Variants in TAF6L observed in about 807,000 individuals in gnomAD.
TAF6L encodes the protein TAF6-like RNA polymerase II p300/CBP-associated factor-associated factor 65 kDa subunit 6L.
Under a neutral mutation model 57.3 loss-of-function variants are expected in TAF6L, and 34 were observed. The ratio of observed to expected loss-of-function variants is 0.59; its 90% CI spans 0.45 to 0.79. The LOEUF (loss-of-function observed/expected upper bound fraction) is 0.79. TAF6L is among the 30% of genes least tolerant of loss of function. TAF6L has a pLI of 0.00. For missense variants in TAF6L, 782 were observed against 853.2 expected, an observed-to-expected ratio of 0.92 and a Z score of 1.04; for synonymous variants, 417 against 376.3, an observed-to-expected ratio of 1.11 and a Z score of -1.25.
At chr11:62,780,414 C>T (rs542387603) in intron 6 of TAF6L, among the ~76,000 whole-genome samples, 4 of 150,584 alleles carry the variant, frequency 2.7e-5, no homozygotes, top group East Asian at 2.0e-4. Context: ...AGGAGGCTGA[C>T]GCAGGAGAAT....
chr11:62,786,758 T>G lies in TAF6L; in HGVS notation c.1331T>G (p.Leu444Arg). The change falls in exon 11 of 11, where the codon CTC becomes CGC. Residue 444 changes from leucine (L) to arginine (R), a missense_variant. Transcript: ENST00000294168. The stretch of plus-strand genomic sequence containing the variant: ...ACCCTGGCCGACATCTACCGGGAGC[T>G]CTACGCCTTCTTCGGTGACAGCTTG... Reference protein sequence around the residue: ...SVTLADIYRELYAFFGDSLAT... With the variant: ...SVTLADIYRERYAFFGDSLAT... 2 of 1,612,882 alleles carry G rather than the reference T, an allele frequency of 1.2e-6. No homozygotes were observed. The highest frequency in any genetic ancestry group is 1.7e-6 in the Non-Finnish European group (2 of 1,179,842).
chr11:62,781,690 A>G (rs943666383), intron 6 of TAF6L: 3 of 480,770 alleles, frequency 6.2e-6, no homozygotes, highest in East Asian at 4.1e-5. Flanking sequence ...TTGGACATTC[A>G]GGTTGTATTC....
At position 62,786,270 on chromosome 11, in the gene TAF6L, G is replaced by A. The variant is rs1200353642; in HGVS notation, c.971G>A (p.Arg324Gln). The A allele has an allele frequency of 1.9e-6, 3 of 1,611,920 alleles. No individual in the cohort carries two copies. Among genetic ancestry groups the A allele is most frequent in the Non-Finnish European group, 1.7e-6 (2 of 1,178,186 alleles). Residue 324 changes from arginine (R) to glutamine (Q), a missense_variant, in exon 10 of 11, where the codon CGA (arginine) becomes CAA (glutamine). Around this residue, in one of 3 missense-constraint regions of TAF6L, gnomAD observed 483 missense variants for 445.1 expected, o/e 1.09. Transcript: ENST00000294168. ...LHALGWKAVE[R>Q]VLYPHLSTYW... ...TTCTCTTCCTTCCAGGCAGTAGAAC[G>A]AGTCCTGTACCCACACCTGTCCACC...
intron 9 of TAF6L, among the ~76,000 whole-genome samples, chr11:62,784,760 A>T (rs2084257994): frequency 6.6e-6 from 1 of 152,206 alleles, no homozygotes; most frequent in South Asian, 2.1e-4. Flanking sequence ...ATGATACACT[A>T]AACTATGTCA....
At chr11:62,784,180 G>C (rs2084252711) in intron 9 of TAF6L, among the ~76,000 whole-genome samples, 1 of 149,224 alleles carries the variant, frequency 6.7e-6, no homozygotes, top group Non-Finnish European at 1.5e-5. Context: ...AGTAGAGACG[G>C]GGTTTCACAA....
intron 1 of TAF6L, chr11:62,771,705 C>T (rs977208159): frequency 4.6e-4 from 87 of 190,334 alleles, no homozygotes; most frequent in African/African-American, 2.0e-3. Flanking sequence ...GCCCGGCCCG[C>T]GGAGGTCAGT....
At chr11:62,780,941 A>C (rs577665579) in intron 6 of TAF6L, among the ~76,000 whole-genome samples, 141 of 148,822 alleles carry the variant, frequency 9.5e-4, no homozygotes, top group African/African-American at 3.1e-3. Context: ...CATCTCAAAA[A>C]AAAAAAAAAA....
In TAF6L at chr11:62,787,193, G is replaced by C. The variant is rs573279999; in HGVS notation, c.1766G>C (p.Ser589Thr). ...QTAFPAPYGP[S>T]PASRYVQKLP... is the part of the protein sequence containing the mutation. ...GCCTTCCCCGCGCCGTACGGGCCTA[G>C]CCCGGCCTCGCGCTACGTGCAGAAA... Residue 589 changes from serine (S) to threonine (T), a missense_variant, in exon 11 of 11, where the codon AGC (serine) becomes ACC (threonine). Around this residue, in one of 3 missense-constraint regions of TAF6L, gnomAD observed 483 missense variants for 445.1 expected, o/e 1.09. Transcript: ENST00000294168. 1.3e-6 allele frequency: 2 copies of C among 1,588,588 alleles called. No homozygotes were observed. The highest frequency in any genetic ancestry group is 1.1e-5 in the South Asian group (1 of 90,054).
intron 9 of TAF6L, among the ~76,000 whole-genome samples, chr11:62,783,487 A>G (rs2084246045): frequency 6.6e-6 from 1 of 151,944 alleles, no homozygotes; most frequent in Admixed American, 6.6e-5. Context: ...GTCTCAAAAA[A>G]AAAAAAAAGT....
At chr11:62,779,621 C>T (rs948513429) in intron 6 of TAF6L, among the ~76,000 whole-genome samples, 6 of 146,770 alleles carry the variant, frequency 4.1e-5, no homozygotes, top group East Asian at 4.1e-4. Flanking sequence ...CCACTGTGCC[C>T]GGCCTAATTC....
At chr11:62,782,560 CT>C (rs1254799725) in intron 8 of TAF6L, 132 bp from the exon 9 acceptor site, 9 of 1,356,908 alleles carry the variant, frequency 6.6e-6, no homozygotes, top group Non-Finnish European at 6.1e-6. Flanking sequence ...CCAGTCACCC[CT>C]GGCAGCCTTC....
intron 6 of TAF6L, among the ~76,000 whole-genome samples, chr11:62,779,976 A>ATATATATATATATATTTTTTTTTT (rs1294367864): frequency 6.5e-4 from 34 of 52,614 alleles, no homozygotes; most frequent in Non-Finnish European, 9.8e-4. Context: ...ATATATATAT[A>ATATATATATATATATTTTTTTTTT]TTTTTTTTTT....
At position 62,787,107 on chromosome 11, in the gene TAF6L, TC is replaced by T; in HGVS notation, c.1681del (p.Arg561ValfsTer4). 6.5e-7 allele frequency: 1 copy of T among 1,548,884 alleles called. No individual in the cohort carries two copies. ...RFAPRGAPHFRFIIAGRQAGR... is the reference protein window; with the variant it reads ...RFAPRGAPHFXFIIAGRQAGR... ...TCGCCCCGCGCGGCGCCCCGCACTTTCGTTTCATCATAGCCGGGCGGCAGGC... is the reference window on the plus strand; with the variant it reads ...TCGCCCCGCGCGGCGCCCCGCACTTTGTTTCATCATAGCCGGGCGGCAGGC... On this transcript the variant is annotated frameshift_variant, in exon 11 of 11. Transcript: ENST00000294168. LOFTEE classifies it high-confidence loss of function.
At chr11:62,777,432 C>T (rs1358505589) in intron 3 of TAF6L, among the ~76,000 whole-genome samples, 1 of 152,146 alleles carries the variant, frequency 6.6e-6, no homozygotes, top group Non-Finnish European at 1.5e-5. Flanking sequence ...GCTATGTGTT[C>T]AGAAAAGAGG....
chr11:62,780,768 CT>C (rs1320714136), intron 6 of TAF6L, among the ~76,000 whole-genome samples: 4 of 143,412 alleles, frequency 2.8e-5, no homozygotes, highest in Admixed American at 7.2e-5. Flanking sequence ...CGTTGGATAT[CT>C]ACTAAAAATA....
intron 9 of TAF6L, among the ~76,000 whole-genome samples, chr11:62,784,288 C>CAT (rs997402650): frequency 2.2e-5 from 3 of 137,070 alleles, no homozygotes; most frequent in South Asian, 4.8e-4. Flanking sequence ...GGTGCCTGGC[C>CAT]ATATATATAT....
In TAF6L at chr11:62,781,986, GA is replaced by G. The variant is rs770295621; in HGVS notation, c.606+19del. 1.2e-5 allele frequency: 20 copies of G among 1,613,282 alleles called. 1 individual carries two copies. The highest frequency in any genetic ancestry group is 1.7e-5 in the Non-Finnish European group (20 of 1,179,704). On this transcript the variant is annotated intron_variant, in intron 7 of 10. Coordinates refer to ENST00000294168, the MANE Select transcript of TAF6L (RefSeq NM_006473.4). ...TCAGTGGGGTAAGTGACCAGGCTGG[GA>G]CAGGGAGAATGTTTTATAAGGAAGA...
chr11:62,783,097 T>C (rs1272006761), intron 9 of TAF6L, among the ~76,000 whole-genome samples: 1 of 152,344 alleles, frequency 6.6e-6, no homozygotes, highest in East Asian at 1.9e-4. Context: ...CAATTCCTGT[T>C]GTATTGAGCA....
At chr11:62,774,714 G>A (rs890083745) in intron 1 of TAF6L, 1 of 453,522 alleles carries the variant, frequency 2.2e-6, no homozygotes, top group African/African-American at 2.0e-5. Context: ...CCAAACTGGG[G>A]AAGACCAAAC....
Sources: gnomAD v4.1 joint callset for allele counts (sites outside exome capture counted in the v4.1 genomes callset) on GRCh38, gnomAD v4.1.1 for gene constraint, gnomAD v4.1.1 regional missense constraint, MANE v1.5 for transcripts, NCBI Gene and HGNC (gene_info 2026-07-23, HGNC 2026-07-21) for gene names.